The following TOGARAM1 variants were observed in gnomAD, a reference collection of about 807,000 sequenced individuals.
TOGARAM1 encodes the protein TOG array regulator of axonemal microtubules 1, also known as TOG array regulator of axonemal microtubules protein 1.
TOGARAM1 carries 100 observed loss-of-function variants against 166.6 expected under a neutral mutation model. The ratio of observed to expected loss-of-function variants is 0.60; its 90% CI spans 0.51 to 0.71. The LOEUF (loss-of-function observed/expected upper bound fraction) is 0.71. Ranked by LOEUF, TOGARAM1 falls within the 30% of genes least tolerant of loss-of-function variation. TOGARAM1 has a pLI of 0.00. For synonymous variants in TOGARAM1, 758 were observed against 763.8 expected (o/e 0.99, Z 0.13); for missense variants, 2,029 against 2,102.7 (o/e 0.96, Z 0.69).
At chr14:45,066,825 A>C (rs1044817840) in intron 17 of TOGARAM1, 58 bp downstream of exon 17, 11 of 1,449,446 alleles carry the variant, frequency 7.6e-6, no homozygotes, top group South Asian at 1.4e-5. Context: ...CCTGTAATCC[A>C]AGCACTTTGG....
chr14:45,044,939 A>G, intron 13 of TOGARAM1, 69 bp downstream of exon 13: 1 of 1,176,254 alleles, frequency 8.5e-7, no homozygotes, highest in East Asian at 2.5e-5. Flanking sequence ...GACTGTAGAA[A>G]AGAAACAAGC....
At chr14:45,009,524 C>T (rs1879668843) in intron 6 of TOGARAM1, among the ~76,000 whole-genome samples, 1 of 152,152 alleles carries the variant, frequency 6.6e-6, no homozygotes. Flanking sequence ...AGCTCAGCAC[C>T]AGTTTCCTCT....
At chr14:45,023,821 A>G (rs912119020) in intron 7 of TOGARAM1, among the ~76,000 whole-genome samples, 1 of 151,982 alleles carries the variant, frequency 6.6e-6, no homozygotes, top group Admixed American at 6.5e-5. Context: ...GCTGACTGCA[A>G]CCTCTGCCTT....
chr14:45,015,893 A>G (rs1880104863), intron 7 of TOGARAM1, among the ~76,000 whole-genome samples: 1 of 152,078 alleles, frequency 6.6e-6, no homozygotes, highest in Admixed American at 6.6e-5. Context: ...AACTTTTAAG[A>G]TTTAATATCT....
At chr14:44,977,812 A>T (rs1352177371) in intron 1 of TOGARAM1, among the ~76,000 whole-genome samples, 6 of 151,494 alleles carry the variant, frequency 4.0e-5, no homozygotes, top group African/African-American at 1.5e-4. Flanking sequence ...TGCCCAGCTA[A>T]TTTTTTTTGT....
At chr14:45,039,008 C>T (rs904455978) in intron 11 of TOGARAM1, among the ~76,000 whole-genome samples, 1 of 151,870 alleles carries the variant, frequency 6.6e-6, no homozygotes, top group African/African-American at 2.4e-5. Flanking sequence ...CTCCTATCCA[C>T]AGGCGGGTCA....
At chr14:45,062,315 C>T (rs1882934008) in intron 16 of TOGARAM1, among the ~76,000 whole-genome samples, 1 of 152,108 alleles carries the variant, frequency 6.6e-6, no homozygotes, top group African/African-American at 2.4e-5. Context: ...CGTTTAAATA[C>T]ATTGAGGATA....
intron 16 of TOGARAM1, among the ~76,000 whole-genome samples, chr14:45,058,204 C>T (rs1439605303): frequency 6.7e-6 from 1 of 149,360 alleles, no homozygotes; most frequent in Non-Finnish European, 1.5e-5. Flanking sequence ...CCTTCTTTGT[C>T]TTTTTTTTTA....
chr14:45,059,663 A>C (rs1441861212), intron 16 of TOGARAM1, among the ~76,000 whole-genome samples: 1 of 144,962 alleles, frequency 6.9e-6, no homozygotes, highest in Non-Finnish European at 1.5e-5. Context: ...CTCAAAAAAA[A>C]CAAAACAAAA....
chr14:44,981,013 G>A (rs928689271), intron 1 of TOGARAM1, among the ~76,000 whole-genome samples: 2 of 152,078 alleles, frequency 1.3e-5, no homozygotes, highest in Non-Finnish European at 1.5e-5. Context: ...ATATTTCAAA[G>A]GATTTAGTGA....
At chr14:45,053,875 A>ATTG (rs1882502586) in intron 15 of TOGARAM1, among the ~76,000 whole-genome samples, 1 of 151,930 alleles carries the variant, frequency 6.6e-6, no homozygotes, top group African/African-American at 2.4e-5. Context: ...ACAGCATATT[A>ATTG]TTATTATTAT....
chr14:45,066,272 C>T (rs1883133594), intron 16 of TOGARAM1, among the ~76,000 whole-genome samples: 1 of 152,130 alleles, frequency 6.6e-6, no homozygotes, highest in Admixed American at 6.5e-5. Flanking sequence ...ATCTGGTTTC[C>T]TCTGGTCTTT....
intron 18 of TOGARAM1, among the ~76,000 whole-genome samples, chr14:45,070,910 CTGT>C (rs60368970): frequency 5.7e-4 from 86 of 151,634 alleles, no homozygotes; most frequent in Non-Finnish European, 7.7e-4. Context: ...TTCCCTTTTT[CTGT>C]TGTTGTTGTT....
At chr14:44,982,786 T>A (rs539573362) in intron 1 of TOGARAM1, among the ~76,000 whole-genome samples, 2 of 152,224 alleles carry the variant, frequency 1.3e-5, no homozygotes, top group African/African-American at 2.4e-5. Flanking sequence ...GATTTTTGCC[T>A]CATTTAGTAT....
chr14:45,038,704 C>A (rs1881566358), intron 11 of TOGARAM1, among the ~76,000 whole-genome samples: 3 of 152,198 alleles, frequency 2.0e-5, no homozygotes, highest in Admixed American at 2.0e-4. Context: ...TCTTTCTTCT[C>A]ACCTTCTCGT....
At chr14:44,987,672 T>A (rs1886906449) in intron 1 of TOGARAM1, among the ~76,000 whole-genome samples, 1 of 149,836 alleles carries the variant, frequency 6.7e-6, no homozygotes, top group African/African-American at 2.5e-5. Flanking sequence ...GTAAACTAGT[T>A]CAACCATTGT....
intron 1 of TOGARAM1, among the ~76,000 whole-genome samples, chr14:44,967,586 G>C (rs1428585019): frequency 1.3e-5 from 2 of 152,176 alleles, no homozygotes; most frequent in Non-Finnish European, 2.9e-5. Flanking sequence ...GTGAATTTCA[G>C]ACTAAAGGAA....
rs145441267 is a variant in TOGARAM1 at position 44,963,081 on chromosome 14, A to G, written c.660A>G (p.Gln220=). ...SPGEVLRTLI[Q]QGLESTDARL... Reference sequence around the variant, plus strand: ...GAGAGGTGCTGAGAACGCTTATACAACAAGGACTGGAAAGTACCGATGCCC... The same window carrying G: ...GAGAGGTGCTGAGAACGCTTATACAGCAAGGACTGGAAAGTACCGATGCCC... Residue 220 remains glutamine, a synonymous_variant, in exon 1 of 20, where the codon CAA becomes CAG. Coordinates refer to ENST00000361462, the MANE Select transcript of TOGARAM1 (RefSeq NM_001308120.2). 13 of 1,614,052 alleles carry G rather than the reference A, an allele frequency of 8.1e-6. No individual in the cohort carries two copies. Among genetic ancestry groups the G allele is most frequent in the African/African-American group, 2.7e-5 (2 of 74,910 alleles).
chr14:44,992,090 AAAAAAAAAAAACCAAACC>A (rs1887170549), intron 1 of TOGARAM1, among the ~76,000 whole-genome samples: 1 of 149,304 alleles, frequency 6.7e-6, no homozygotes, highest in Non-Finnish European at 1.5e-5. Context: ...AAAAAAAAAA[AAAAAAAAAAAACCAAACC>A]AAAAAAAAAA....
Sources: gnomAD v4.1 joint callset for allele counts (sites outside exome capture counted in the v4.1 genomes callset) on GRCh38, gnomAD v4.1.1 for gene constraint, MANE v1.5 for transcripts, NCBI Gene and HGNC (gene_info 2026-07-23, HGNC 2026-07-21) for gene names.